Variants in PDE1C observed in about 807,000 individuals in gnomAD.
The protein encoded by PDE1C is dual specificity calcium/calmodulin-dependent 3',5'-cyclic nucleotide phosphodiesterase 1C.
Under a neutral mutation model 93.1 loss-of-function variants are expected in PDE1C, and 62 were observed. That is an observed-to-expected ratio of 0.67 (90% CI 0.54 to 0.82). PDE1C has a LOEUF of 0.82. PDE1C is among the 40% of genes least tolerant of loss of function. The pLI is 0.00. For missense variants in PDE1C, 742 were observed against 884.6 expected (o/e 0.84, Z 2.04); for synonymous variants, 325 against 310.1 (o/e 1.05, Z -0.50).
At chr7:32,361,345 C>T (rs1218615988) in intron 1 of PDE1C, among the ~76,000 whole-genome samples, 1 of 152,218 alleles carries the variant, frequency 6.6e-6, no homozygotes, top group Non-Finnish European at 1.5e-5. Flanking sequence ...TCATCCCTGT[C>T]TGTAGAACCA....
the PDE1C span, among the ~76,000 whole-genome samples, chr7:31,712,406 G>A: frequency 3.3e-3 from 497 of 152,352 alleles, 1 homozygote; most frequent in African/African-American, 0.011. Context: ...AGACTAGATA[G>A]TCGCTATGGA....
At chr7:32,083,222 A>G (rs926763483) in intron 3 of PDE1C, among the ~76,000 whole-genome samples, 2 of 152,016 alleles carry the variant, frequency 1.3e-5, no homozygotes, top group Admixed American at 6.5e-5. Context: ...CTCAGGAGCC[A>G]ATGCGATCAA....
At chr7:31,791,704 C>T (rs1784614843) in intron 16 of PDE1C, among the ~76,000 whole-genome samples, 1 of 152,040 alleles carries the variant, frequency 6.6e-6, no homozygotes, top group East Asian at 1.9e-4. Flanking sequence ...AAGCTAGAGA[C>T]AGATAGCTGG....
chr7:31,990,651 T>C (rs140639681), intron 2 of PDE1C, among the ~76,000 whole-genome samples: 1 of 152,338 alleles, frequency 6.6e-6, no homozygotes, highest in East Asian at 1.9e-4. Flanking sequence ...TCAGTCACAG[T>C]TGCAACAGCA....
At chr7:32,218,283 G>C (rs907117029) in intron 1 of PDE1C, among the ~76,000 whole-genome samples, 5 of 152,192 alleles carry the variant, frequency 3.3e-5, no homozygotes, top group Admixed American at 2.6e-4. Context: ...GGGCCAATTT[G>C]GCTGTCAAAT....
the PDE1C span, chr7:31,692,493 G>A: frequency 1.9e-6 from 3 of 1,610,530 alleles, no homozygotes; most frequent in African/African-American, 4.0e-5. Flanking sequence ...AGACAGACTG[G>A]ACAAGCTAGA....
chr7:32,043,237 CT>C (rs1792086953), intron 2 of PDE1C, among the ~76,000 whole-genome samples: 1 of 152,170 alleles, frequency 6.6e-6, no homozygotes, highest in South Asian at 2.1e-4. Flanking sequence ...TCCAGGGAGT[CT>C]GAAATCTGCC....
At chr7:32,201,701 G>C (rs927227875) in intron 2 of PDE1C, among the ~76,000 whole-genome samples, 2 of 152,220 alleles carry the variant, frequency 1.3e-5, no homozygotes, top group Non-Finnish European at 2.9e-5. Context: ...AGGATGTACA[G>C]TGGTAGGCCA....
chr7:32,165,503 T>C (rs774772755), intron 3 of PDE1C, among the ~76,000 whole-genome samples: 6 of 152,250 alleles, frequency 3.9e-5, no homozygotes, highest in Non-Finnish European at 7.4e-5. Context: ...TCAGGAAACT[T>C]ACAACCATGG....
chr7:31,997,678 T>A (rs2128550979), intron 2 of PDE1C, among the ~76,000 whole-genome samples: 1 of 152,320 alleles, frequency 6.6e-6, no homozygotes, highest in South Asian at 2.1e-4. Context: ...TAACTTGATA[T>A]TTGAGACACC....
intron 2 of PDE1C, among the ~76,000 whole-genome samples, chr7:32,187,049 GT>G (rs1463039958): frequency 1.3e-5 from 2 of 152,044 alleles, no homozygotes; most frequent in Non-Finnish European, 2.9e-5. Context: ...TTTGGTTTTA[GT>G]TTTTCCTCTT....
chr7:32,157,473 C>T (rs1801646813), intron 3 of PDE1C, among the ~76,000 whole-genome samples: 1 of 151,166 alleles, frequency 6.6e-6, no homozygotes, highest in South Asian at 2.1e-4. Context: ...CAATAAAATA[C>T]AAAAAAAATA....
the PDE1C span, among the ~76,000 whole-genome samples, chr7:31,671,759 C>A: frequency 6.6e-6 from 1 of 152,158 alleles, no homozygotes; most frequent in African/African-American, 2.4e-5. Flanking sequence ...ACCAGTATCT[C>A]ATATGGAAAG....
At chr7:32,206,383 C>A (rs1209063758) in intron 2 of PDE1C, among the ~76,000 whole-genome samples, 1 of 152,182 alleles carries the variant, frequency 6.6e-6, no homozygotes, top group Non-Finnish European at 1.5e-5. Context: ...AAGGAGCTGA[C>A]TGTCTAATAG....
At chr7:31,685,834 C>G in the PDE1C span, among the ~76,000 whole-genome samples, 18 of 152,216 alleles carry the variant, frequency 1.2e-4, no homozygotes. Flanking sequence ...CACCTTTCAG[C>G]AACCCTCATC....
chr7:32,005,061 G>A (rs1786011270), intron 2 of PDE1C, among the ~76,000 whole-genome samples: 1 of 152,112 alleles, frequency 6.6e-6, no homozygotes, highest in South Asian at 2.1e-4. Flanking sequence ...CTACAACCTA[G>A]CACCGTCACC....
chr7:32,168,436 T>C (rs1199900767), intron 3 of PDE1C, among the ~76,000 whole-genome samples: 1 of 152,144 alleles, frequency 6.6e-6, no homozygotes, highest in Non-Finnish European at 1.5e-5. Flanking sequence ...TGCCTGTTCA[T>C]TGAAGAAAAT....
chr7:31,897,161 T>C (rs544218547), intron 2 of PDE1C, among the ~76,000 whole-genome samples: 27 of 152,350 alleles, frequency 1.8e-4, no homozygotes, highest in South Asian at 1.2e-3. Flanking sequence ...GAGGGTTTTA[T>C]TGCATGGGAT....
the PDE1C span, among the ~76,000 whole-genome samples, chr7:31,659,988 T>C: frequency 3.9e-5 from 6 of 152,178 alleles, no homozygotes; most frequent in African/African-American, 7.2e-5. Flanking sequence ...CCTCATGTTG[T>C]TCTCATGATA....
Sources: allele counts gnomAD v4.1 joint callset (sites outside exome capture counted in the v4.1 genomes callset), GRCh38; gene constraint gnomAD v4.1.1; transcripts MANE v1.5; gene names NCBI Gene and HGNC (gene_info 2026-07-23, HGNC 2026-07-21).